The following USH2A variants were observed in gnomAD, a reference collection of about 807,000 sequenced individuals.
The protein encoded by USH2A is Usher syndrome 2A (autosomal recessive, mild).
USH2A carries 443 observed loss-of-function variants against 538.9 expected under a neutral mutation model. That is an observed-to-expected ratio of 0.82 (90% confidence interval 0.76 to 0.89). The LOEUF (loss-of-function observed/expected upper bound fraction) is 0.89, where lower values mean the gene tolerates loss of function less well. USH2A is among the 40% of genes least tolerant of loss of function. The pLI is 0.00. For missense variants in USH2A, 6,633 were observed against 6,324.8 expected, an observed-to-expected ratio of 1.05 and a Z score of -1.65; for synonymous variants, 2,413 against 2,273.5, an observed-to-expected ratio of 1.06 and a Z score of -1.75.
At chr1:215,656,925 T>A (rs1657272899) in intron 64 of USH2A, among the ~76,000 whole-genome samples, 1 of 152,196 alleles carries the variant, frequency 6.6e-6, no homozygotes, top group Non-Finnish European at 1.5e-5. Context: ...CAGTAATTAA[T>A]AAGTAAACAG....
In USH2A at chr1:216,246,939, G is replaced by A; in HGVS notation, c.2455C>T (p.Pro819Ser). ...NAKTGQCICKPNVEGRQCNKC... is the reference protein window; with the variant it reads ...NAKTGQCICKSNVEGRQCNKC... The stretch of plus-strand genomic sequence containing the variant: ...TTGCACTGTCTCCCTTCAACATTGG[G>A]CTTGCAGATGCACTGCCCTGTCTTA... The change falls in exon 13 of 72, where the codon CCC (proline) becomes TCC (serine). Residue 819 changes from proline to serine, a missense_variant. Transcript: ENST00000307340. The A allele has an allele frequency of 6.2e-7, 1 of 1,614,082 alleles. No homozygotes were observed. The highest frequency in any genetic ancestry group is 8.5e-7 in the Non-Finnish European group (1 of 1,179,980).
intron 32 of USH2A, among the ~76,000 whole-genome samples, chr1:216,022,642 T>C (rs898785349): frequency 6.6e-6 from 1 of 152,162 alleles, no homozygotes; most frequent in Non-Finnish European, 1.5e-5. Flanking sequence ...AAGAAAGACA[T>C]TTTTCCACCA....
chr1:215,858,524 G>T (rs1478264287), intron 44 of USH2A, among the ~76,000 whole-genome samples: 1 of 148,436 alleles, frequency 6.7e-6, no homozygotes, highest in Non-Finnish European at 1.5e-5. Flanking sequence ...TTCACCTTCT[G>T]CCATGATCGT....
chr1:216,308,673 A>G (rs1186746738), intron 9 of USH2A, among the ~76,000 whole-genome samples: 3 of 152,168 alleles, frequency 2.0e-5, no homozygotes, highest in Non-Finnish European at 2.9e-5. Context: ...TTCTATGCTG[A>G]TGGTAGAACT....
intron 50 of USH2A, among the ~76,000 whole-genome samples, chr1:215,795,085 A>G (rs1251820171): frequency 6.6e-6 from 1 of 152,158 alleles, no homozygotes; most frequent in Non-Finnish European, 1.5e-5. Context: ...ATCTTAAACT[A>G]CAGTTCTTAT....
rs1168211212 is a variant in USH2A at position 216,046,582 on chromosome 1, C to G, written c.6174G>C (p.Glu2058Asp). The G allele has an allele frequency of 6.2e-7, 1 of 1,613,638 alleles. No homozygotes were observed. The highest frequency in any genetic ancestry group is 1.7e-5 in the Admixed American group (1 of 59,968). The change falls in exon 32 of 72, where the codon GAG becomes GAC. Residue 2058 changes from glutamate to aspartate, a missense_variant. Transcript: ENST00000307340. ...NISTPQEAPQ[E>D]VQPPVAKSLP... ...GGGATTTGGCTACTGGTGGCTGAAC[C>G]TCTTGTGGGGCTGTGGAAGAAAAGA...
rs147350052 is a variant in USH2A at position 216,348,537 on chromosome 1, G to A, written c.784+16416C>T. ...CAGGGCTGGGCTCAGCTTTAAAAAG[G>A]TCTTATCTGAGATTCCTTTTTATGG... is the stretch of plus-strand genomic sequence containing the variant. On this transcript the variant is annotated intron_variant, in intron 4 of 71. Transcript: ENST00000307340. 8.5e-5 allele frequency among the ~76,000 whole-genome samples: 13 copies of A among 152,170 alleles called. No homozygotes were observed. In the East Asian group the frequency reaches 2.5e-3, roughly 29 times the overall value.
chr1:216,175,858 G>A (rs528453277), intron 20 of USH2A, among the ~76,000 whole-genome samples: 4 of 152,202 alleles, frequency 2.6e-5, no homozygotes, highest in South Asian at 4.1e-4. Flanking sequence ...TTCTGTGCCC[G>A]TTGGTTTCTG....
intron 19 of USH2A, among the ~76,000 whole-genome samples, chr1:216,193,009 G>A (rs760385268): frequency 3.3e-5 from 5 of 152,062 alleles, no homozygotes; most frequent in Non-Finnish European, 7.4e-5. Flanking sequence ...ATTGGGAGAT[G>A]TGGAATATGA....
intron 61 of USH2A, among the ~76,000 whole-genome samples, chr1:215,683,733 C>T (rs1030316605): frequency 6.6e-6 from 1 of 151,818 alleles, no homozygotes; most frequent in Non-Finnish European, 1.5e-5. Context: ...TTCTTATTCA[C>T]CCTTTCCTTC....
At chr1:215,677,099 C>T (rs1394654191) in intron 62 of USH2A, among the ~76,000 whole-genome samples, 2 of 152,198 alleles carry the variant, frequency 1.3e-5, no homozygotes, top group African/African-American at 4.8e-5. Flanking sequence ...ACATCGTTCA[C>T]TGAAAATAGA....
chr1:215,708,875 T>C (rs943977344), intron 61 of USH2A, among the ~76,000 whole-genome samples: 6 of 152,310 alleles, frequency 3.9e-5, no homozygotes, highest in East Asian at 1.9e-4. Flanking sequence ...TTGTAGTTTA[T>C]GGTTCTATGC....
At position 215,648,518 on chromosome 1, in the gene USH2A, G is replaced by C. The variant is rs370535131; in HGVS notation, c.14582+10C>G. ...TGTTAGTTTCTTCATCCTTCTGCCT[G>C]ACCCATTACCTGTGAATGACACCAT... On this transcript the variant is annotated intron_variant, in intron 66 of 71. Coordinates refer to ENST00000307340, the MANE Select transcript of USH2A (RefSeq NM_206933.4). 1 of 1,612,874 alleles carries C rather than the reference G, an allele frequency of 6.2e-7. No individual in the cohort carries two copies. Among genetic ancestry groups the C allele is most frequent in the African/African-American group, 1.3e-5 (1 of 75,016 alleles).
intron 47 of USH2A, among the ~76,000 whole-genome samples, chr1:215,831,720 A>T (rs1268474655): frequency 6.6e-6 from 1 of 152,128 alleles, no homozygotes. Context: ...GAGAGAAAAG[A>T]AGAAAGGTCT....
chr1:215,915,230 C>G (rs1208147012), intron 38 of USH2A, among the ~76,000 whole-genome samples: 1 of 152,016 alleles, frequency 6.6e-6, no homozygotes, highest in Non-Finnish European at 1.5e-5. Context: ...TTATTTTAAA[C>G]AATGTTGTTT....
intron 36 of USH2A, among the ~76,000 whole-genome samples, chr1:215,967,239 G>A (rs1391572941): frequency 6.6e-6 from 1 of 152,122 alleles, no homozygotes; most frequent in African/African-American, 2.4e-5. Context: ...CACAATCTCG[G>A]GTCACTGGAA....
chr1:216,295,460 T>A (rs764702317), intron 9 of USH2A, among the ~76,000 whole-genome samples: 4 of 151,878 alleles, frequency 2.6e-5, no homozygotes, highest in Non-Finnish European at 4.4e-5. Flanking sequence ...CTTAGAATTT[T>A]AATAGGTAAT....
rs200876700 is a variant in USH2A, at chr1:216,383,893, G to A, written c.652-18808C>T. 1.1e-3 allele frequency among the ~76,000 whole-genome samples: 157 copies of A among 139,040 alleles called. 3 individuals are homozygous for A. Among genetic ancestry groups the A allele is most frequent in the African/African-American group, 2.5e-3 (88 of 35,736 alleles). The allele number at this position is 139,040 out of a possible 152,430, so 91.2% of individuals were successfully genotyped here. A position where few individuals can be genotyped will look rare whatever the true frequency, so the allele number is the denominator to read the frequency against. ...TTTTTTTTTTTTTTGTAGAGATGACGTCTTGCTATGTTGCCCAACCTGGCC... is the reference window on the plus strand; with the variant it reads ...TTTTTTTTTTTTTTGTAGAGATGACATCTTGCTATGTTGCCCAACCTGGCC... On this transcript the variant is annotated intron_variant, in intron 3 of 71. Transcript: ENST00000307340.
intron 21 of USH2A, 103 bp downstream of exon 21, chr1:216,175,149 T>C (rs1415162243): frequency 6.4e-7 from 1 of 1,553,768 alleles, no homozygotes; most frequent in Non-Finnish European, 8.7e-7. Context: ...TTAGTATTTC[T>C]CTAAGTAGGT....
Sources: allele counts gnomAD v4.1 joint callset (sites outside exome capture counted in the v4.1 genomes callset), GRCh38; gene constraint gnomAD v4.1.1; transcripts MANE v1.5; gene names NCBI Gene and HGNC (gene_info 2026-07-23, HGNC 2026-07-21).